FAT3: variants seen among roughly 807,000 people sequenced by gnomAD.
FAT3 encodes FAT atypical cadherin 3, also known as protocadherin Fat 3.
Under a neutral mutation model 310.2 loss-of-function variants are expected in FAT3, and 95 were observed. That is an observed-to-expected ratio of 0.31 (90% CI 0.26 to 0.36). FAT3 has a LOEUF of 0.36. Ranked by LOEUF, FAT3 falls within the 10% of genes least tolerant of loss-of-function variation. FAT3 has a pLI of 1.00. For missense variants in FAT3, 5,408 were observed against 5,715.6 expected, an observed-to-expected ratio of 0.95 and a Z score of 1.74; for synonymous variants, 2,314 against 2,192.9, an observed-to-expected ratio of 1.06 and a Z score of -1.54.
chr11:92,880,380 G>C (rs964108163), intron 22 of FAT3, among the ~76,000 whole-genome samples: 15 of 150,768 alleles, frequency 9.9e-5, no homozygotes, highest in African/African-American at 3.2e-4. Flanking sequence ...AACCACTCCT[G>C]TCTGGAGGCA....
intron 3 of FAT3, among the ~76,000 whole-genome samples, chr11:92,553,671 CCGTCCCTTCCTT>C (rs1463230288): frequency 9.2e-6 from 1 of 108,852 alleles, no homozygotes; most frequent in Non-Finnish European, 2.0e-5. Flanking sequence ...TCTAGAATCT[CCGTCCCTTCCTT>C]CCTTCCTTCC....
At chr11:92,355,426 A>C (rs760589404) in intron 2 of FAT3, 22 bp downstream of exon 2, 1 of 1,584,662 alleles carries the variant, frequency 6.3e-7, no homozygotes, top group Non-Finnish European at 8.6e-7. Context: ...ATTTTGTGCC[A>C]AGAGTGTTGT....
intron 7 of FAT3, among the ~76,000 whole-genome samples, chr11:92,782,832 T>A (rs1424071776): frequency 6.6e-6 from 1 of 152,200 alleles, no homozygotes; most frequent in Non-Finnish European, 1.5e-5. Flanking sequence ...AACTGCTGTG[T>A]TTGGAGTTTC....
chr11:92,722,900 G>T (rs1391779337), intron 4 of FAT3, among the ~76,000 whole-genome samples: 1 of 152,262 alleles, frequency 6.6e-6, no homozygotes, highest in East Asian at 1.9e-4. Flanking sequence ...ACAGCATGGG[G>T]ACCCTGGGCC....
intron 3 of FAT3, among the ~76,000 whole-genome samples, chr11:92,609,906 TAGTA>T (rs1434924341): frequency 1.3e-5 from 2 of 152,160 alleles, no homozygotes; most frequent in East Asian, 1.9e-4. Flanking sequence ...TATTTTTTGT[TAGTA>T]AGTAAAATTA....
chr11:92,815,011 A>G (rs1381999047), intron 13 of FAT3, among the ~76,000 whole-genome samples: 1 of 152,180 alleles, frequency 6.6e-6, no homozygotes, highest in Non-Finnish European at 1.5e-5. Flanking sequence ...ATGTAGTCCA[A>G]GAGGGAGGAG....
chr11:92,619,069 A>G (rs1030885328), intron 3 of FAT3, among the ~76,000 whole-genome samples: 5 of 152,174 alleles, frequency 3.3e-5, no homozygotes, highest in African/African-American at 1.2e-4. Context: ...AGATTTCATC[A>G]AACTTTTTCT....
rs573435704 is a variant in FAT3 at position 92,540,201 on chromosome 11, C to T, written c.3607+15253C>T. On this transcript the variant is annotated intron_variant, in intron 3 of 27. Coordinates refer to ENST00000525166, the MANE Select transcript of FAT3 (RefSeq NM_001367949.2). Reference sequence around the variant, plus strand: ...CTCTGCCTTCTAATTTGCTGCTTCTCATCTGCGGAGCCATCCCATAAATAA... The same window carrying T: ...CTCTGCCTTCTAATTTGCTGCTTCTTATCTGCGGAGCCATCCCATAAATAA... Among the ~76,000 whole-genome samples, 171 of 152,264 alleles carry T rather than the reference C, an allele frequency of 1.1e-3. 1 individual carries two copies. Among genetic ancestry groups the T allele is most frequent in the Non-Finnish European group, 1.7e-3 (115 of 68,022 alleles).
At chr11:92,827,102 C>A (rs999301589) in intron 13 of FAT3, among the ~76,000 whole-genome samples, 5 of 152,152 alleles carry the variant, frequency 3.3e-5, no homozygotes, top group African/African-American at 1.2e-4. Context: ...TAGGTTAGAT[C>A]CCCAGGGATG....
At chr11:92,365,371 C>T (rs951558332) in intron 2 of FAT3, among the ~76,000 whole-genome samples, 5 of 152,158 alleles carry the variant, frequency 3.3e-5, no homozygotes, top group African/African-American at 7.2e-5. Flanking sequence ...TTGTAGTTAC[C>T]TTCAAGATGT....
chr11:92,561,006 G>T (rs1053859430), intron 3 of FAT3, among the ~76,000 whole-genome samples: 3 of 151,860 alleles, frequency 2.0e-5, no homozygotes, highest in African/African-American at 7.2e-5. Flanking sequence ...TGTCAATGTG[G>T]TACTCTCTTA....
intron 2 of FAT3, among the ~76,000 whole-genome samples, chr11:92,470,151 A>T (rs1295570302): frequency 6.6e-6 from 1 of 152,204 alleles, no homozygotes; most frequent in Non-Finnish European, 1.5e-5. Context: ...TTATTGCCCG[A>T]GGCAGAACCC....
Position 92,750,790 on chromosome 11 carries a change from G to A in FAT3, c.3670-11066G>A, listed in dbSNP as rs374418328. Among the ~76,000 whole-genome samples, 308 of 152,266 alleles carry A rather than the reference G, an allele frequency of 2.0e-3. No individual in the cohort carries two copies. In the Middle Eastern group the frequency reaches 0.02, roughly 10 times the overall value. ...TGCAGGCATTCAGTTCAAGCCAATG[G>A]CCTCTTATACATTTTATTTACTAAA... On this transcript the variant is annotated intron_variant, in intron 4 of 27. Coordinates refer to ENST00000525166, the MANE Select transcript of FAT3 (RefSeq NM_001367949.2).
chr11:92,718,391 G>A (rs1944753488), intron 4 of FAT3, among the ~76,000 whole-genome samples: 1 of 152,080 alleles, frequency 6.6e-6, no homozygotes, highest in African/African-American at 2.4e-5. Flanking sequence ...GACTAGGTGA[G>A]GGTTCCTGCG....
At chr11:92,285,134 G>C in intron 1 of FAT3, among the ~76,000 whole-genome samples, 1 of 152,158 alleles carries the variant, frequency 6.6e-6, no homozygotes. Flanking sequence ...GGAGTGTTCA[G>C]AGAAGTTGAG....
At chr11:92,263,294 A>G (rs996456055) in intron 1 of FAT3, among the ~76,000 whole-genome samples, 13 of 151,718 alleles carry the variant, frequency 8.6e-5, no homozygotes, top group African/African-American at 3.1e-4. Context: ...AGAGTCTGGA[A>G]TTTGGTCTGG....
chr11:92,735,130 T>C (rs1376146330), intron 4 of FAT3, among the ~76,000 whole-genome samples: 1 of 118,148 alleles, frequency 8.5e-6, no homozygotes. Flanking sequence ...ACTTAGGGCA[T>C]GCATATCTGA....
intron 4 of FAT3, among the ~76,000 whole-genome samples, chr11:92,737,528 T>G (rs1945387981): frequency 6.6e-6 from 1 of 152,098 alleles, no homozygotes; most frequent in South Asian, 2.1e-4. Context: ...TACGTGTGTG[T>G]GTGTGTGTCT....
intron 3 of FAT3, among the ~76,000 whole-genome samples, chr11:92,625,868 T>C (rs1411233416): frequency 6.6e-6 from 1 of 152,136 alleles, no homozygotes; most frequent in Non-Finnish European, 1.5e-5. Flanking sequence ...CAAAGATGAA[T>C]TGTGACCCAG....
Sources: allele counts gnomAD v4.1 joint callset (sites outside exome capture counted in the v4.1 genomes callset), GRCh38; gene constraint gnomAD v4.1.1; transcripts MANE v1.5; gene names NCBI Gene and HGNC (gene_info 2026-07-23, HGNC 2026-07-21).